Variants in SCUBE1 observed in about 807,000 individuals in gnomAD.
SCUBE1 encodes the protein signal peptide, CUB and EGF-like domain-containing protein 1.
In SCUBE1, 59 loss-of-function variants were observed where a neutral mutation model predicts 124.4. The observed-to-expected ratio is 0.47, with a 90% confidence interval of 0.38 to 0.59. SCUBE1 has a LOEUF of 0.59. Among genes scored for constraint, SCUBE1 ranks in the 20% least tolerant of loss-of-function variants. The probability of loss-of-function intolerance (pLI) is 0.00; values close to 1 mark genes in which losing one functional copy is unlikely to be tolerated. For synonymous variants in SCUBE1, 545 were observed against 550.9 expected (o/e 0.99, Z 0.15); for missense variants, 1,150 against 1,371.2 (o/e 0.84, Z 2.55).
At position 43,221,213 on chromosome 22, in the gene SCUBE1, G is replaced by T; in HGVS notation, c.1509C>A (p.Ser503Arg). The T allele has an allele frequency of 6.2e-7, 1 of 1,611,576 alleles. No individual in the cohort carries two copies. The highest frequency in any genetic ancestry group is 8.5e-7 in the Non-Finnish European group (1 of 1,179,982). Residue 503 changes from serine (S) to arginine (R), a missense_variant, in exon 13 of 22, where the codon AGC becomes AGA. Around this residue, in one of 3 missense-constraint regions of SCUBE1, gnomAD observed 757 missense variants for 840.9 expected, o/e 0.90. Transcript: ENST00000360835. ...TGGCGGTCTCCTTTGCTCGTGCCTG[G>T]CTGTGGGGCCGGAGGTGGCACTTGG... ...RDAKCHLRPH[S>R]QARAKETARQ...
chr22:43,217,353 C>T (rs549929431), intron 15 of SCUBE1, among the ~76,000 whole-genome samples: 1 of 151,154 alleles, frequency 6.6e-6, no homozygotes, highest in East Asian at 2.0e-4. Flanking sequence ...TCAAGTTTCC[C>T]TCCCCCCAGC....
intron 3 of SCUBE1, among the ~76,000 whole-genome samples, chr22:43,300,257 A>C (rs541195219): frequency 6.7e-6 from 1 of 148,800 alleles, no homozygotes; most frequent in African/African-American, 2.5e-5. Flanking sequence ...GGGGTTTCTA[A>C]TTTCTCCATA....
chr22:43,214,977 C>A (rs1395470843), intron 15 of SCUBE1, among the ~76,000 whole-genome samples: 1 of 152,084 alleles, frequency 6.6e-6, no homozygotes, highest in African/African-American at 2.4e-5. Context: ...GTTTTAGAAC[C>A]CCCCCACCCA....
At chr22:43,291,004 T>TC (rs1569015794) in intron 4 of SCUBE1, 42 bp downstream of exon 4, 1 of 1,531,646 alleles carries the variant, frequency 6.5e-7, no homozygotes, top group East Asian at 2.4e-5. Flanking sequence ...GGGCTGCCCA[T>TC]CCTGGGGGGG....
At chr22:43,206,468 G>A (rs1266972967) in intron 21 of SCUBE1, among the ~76,000 whole-genome samples, 1 of 152,148 alleles carries the variant, frequency 6.6e-6, no homozygotes, top group African/African-American at 2.4e-5. Context: ...TGCTGTGGGG[G>A]CAGGGACTAA....
chr22:43,299,051 C>A (rs370548265), intron 3 of SCUBE1, among the ~76,000 whole-genome samples: 177 of 136,354 alleles, frequency 1.3e-3, no homozygotes, highest in Non-Finnish European at 1.6e-3. Flanking sequence ...GACTCCGTCT[C>A]AAAAAAAAAA....
chr22:43,257,306 G>A (rs975478283), intron 6 of SCUBE1, among the ~76,000 whole-genome samples: 2 of 152,072 alleles, frequency 1.3e-5, no homozygotes, highest in African/African-American at 2.4e-5. Context: ...GATAAGAAAT[G>A]GGGCTTAAAA....
intron 7 of SCUBE1, among the ~76,000 whole-genome samples, chr22:43,236,475 C>G (rs553620308): frequency 1.3e-5 from 2 of 152,310 alleles, no homozygotes; most frequent in South Asian, 4.2e-4. Context: ...CTACTGTGAC[C>G]CCACTGTGGC....
rs564095126 is a variant in SCUBE1, at chr22:43,296,177, C to T, written c.350-4997G>A. Among the ~76,000 whole-genome samples, 10 of 152,328 alleles carry T rather than the reference C, an allele frequency of 6.6e-5. No homozygotes were observed. In the East Asian group the frequency reaches 9.6e-4, roughly 15 times the overall value. On this transcript the variant is annotated intron_variant, in intron 3 of 21. Coordinates refer to ENST00000360835, the MANE Select transcript of SCUBE1 (RefSeq NM_173050.5). ...ACCCTACCCTGGCGACCCCACACAG[C>T]GCTCAAAAACCCCAGCTCTGTTCGG...
intron 2 of SCUBE1, among the ~76,000 whole-genome samples, chr22:43,335,865 GTGATGGTGA>G (rs1927056752): frequency 6.9e-6 from 1 of 144,448 alleles, no homozygotes; most frequent in Non-Finnish European, 1.5e-5. Context: ...GGTGATGATG[GTGATGGTGA>G]TGATGGTGAT....
At chr22:43,274,855 G>A (rs1924436450) in intron 4 of SCUBE1, among the ~76,000 whole-genome samples, 1 of 152,218 alleles carries the variant, frequency 6.6e-6, no homozygotes, top group Admixed American at 6.5e-5. Flanking sequence ...AGCTGTGCAT[G>A]AGGGGCGGCA....
At chr22:43,307,316 G>A (rs374493353) in intron 3 of SCUBE1, among the ~76,000 whole-genome samples, 1 of 152,346 alleles carries the variant, frequency 6.6e-6, no homozygotes, top group South Asian at 2.1e-4. Flanking sequence ...GCCAAACTAA[G>A]CGTTCATCAG....
At chr22:43,278,955 G>A (rs1924648063) in intron 4 of SCUBE1, among the ~76,000 whole-genome samples, 1 of 152,174 alleles carries the variant, frequency 6.6e-6, no homozygotes, top group Non-Finnish European at 1.5e-5. Flanking sequence ...GGCTGAGACA[G>A]GTTTGGGGGA....
chr22:43,216,580 G>C (rs1569497427), intron 15 of SCUBE1, among the ~76,000 whole-genome samples: 1 of 152,154 alleles, frequency 6.6e-6, no homozygotes, highest in East Asian at 2.0e-4. Flanking sequence ...TTGAACCTGG[G>C]AGGCAGAGTT....
Position 43,211,071 on chromosome 22 carries a change from G to C in SCUBE1, c.2234C>G (p.Pro745Arg), listed in dbSNP as rs1453613639. 2.5e-6 allele frequency: 4 copies of C among 1,611,488 alleles called. No homozygotes were observed. Among genetic ancestry groups the C allele is most frequent in the Non-Finnish European group, 3.4e-6 (4 of 1,178,734 alleles). Residue 745 changes from proline (P) to arginine (R), a missense_variant, in exon 18 of 22, where the codon CCC (proline) becomes CGC (arginine). Physicochemically the swap from Pro to Arg is moderately radical, Grantham distance 103. This residue lies in a region of SCUBE1 where 757 missense variants were observed against 840.9 expected (regional missense o/e 0.90). Transcript: ENST00000360835. The surrounding 1 kb of genome is among the most constrained non-coding windows in gnomAD (Gnocchi z 4.5). ...QDCEAKVHCS[P>R]GHHYNTTTHR... ...GGTGGTGGTGTTGTAGTGGTGGCCG[G>C]GGGAGCAGTGCACTGCCGGGGGACA... is the stretch of plus-strand genomic sequence containing the variant.
chr22:43,259,989 G>A (rs1428766409), intron 5 of SCUBE1, among the ~76,000 whole-genome samples: 2 of 152,180 alleles, frequency 1.3e-5, no homozygotes, highest in Non-Finnish European at 2.9e-5. Flanking sequence ...AGGAACCCAG[G>A]GAAGCCAGGG....
At chr22:43,312,695 T>C (rs1403528306) in intron 3 of SCUBE1, among the ~76,000 whole-genome samples, 1 of 152,016 alleles carries the variant, frequency 6.6e-6, no homozygotes, top group Non-Finnish European at 1.5e-5. Flanking sequence ...AGCTATGGGG[T>C]GGAGGCGCCC....
intron 2 of SCUBE1, among the ~76,000 whole-genome samples, 200 bp downstream of exon 2, chr22:43,338,904 C>T (rs1387940958): frequency 6.6e-6 from 1 of 152,240 alleles, no homozygotes; most frequent in Non-Finnish European, 1.5e-5. Flanking sequence ...ACTCTAACTC[C>T]ACCCTTCCAG....
Position 43,260,060 on chromosome 22 carries a change from C to A in SCUBE1, c.611-1725G>T, listed in dbSNP as rs73163973. Among the ~76,000 whole-genome samples, 1,014 of 152,288 alleles carry A rather than the reference C, an allele frequency of 6.7e-3. 6 individuals carry two copies. Among genetic ancestry groups the A allele is most frequent in the Admixed American group, 0.015 (236 of 15,302 alleles). On this transcript the variant is annotated intron_variant, in intron 5 of 21. Transcript: ENST00000360835. ...CGATGGGGAGAGACCCAGGTGGAACCCACTTTGGGCTGGACGTCGTGTGTC... is the reference window on the plus strand; with the variant it reads ...CGATGGGGAGAGACCCAGGTGGAACACACTTTGGGCTGGACGTCGTGTGTC...
Sources: allele counts gnomAD v4.1 joint callset (sites outside exome capture counted in the v4.1 genomes callset), GRCh38; gene constraint gnomAD v4.1.1; regional missense constraint gnomAD v4.1.1; non-coding constraint Gnocchi (gnomAD v3.1); transcripts MANE v1.5; gene names NCBI Gene and HGNC (gene_info 2026-07-23, HGNC 2026-07-21).